The following ASAP2 variants were observed in gnomAD, a reference collection of about 807,000 sequenced individuals.
The protein encoded by ASAP2 is ArfGAP with SH3 domain, ankyrin repeat and PH domain 2.
A neutral mutation model predicts 131.4 loss-of-function variants in ASAP2; 45 were observed. The ratio of observed to expected loss-of-function variants is 0.34; its 90% confidence interval spans 0.27 to 0.44. The LOEUF is 0.44. ASAP2 is among the 20% of genes least tolerant of loss of function. ASAP2 has a pLI of 1.00. For missense variants in ASAP2, 1,011 were observed against 1,297.0 expected, an observed-to-expected ratio of 0.78 and a Z score of 3.39; for synonymous variants, 510 against 503.0, an observed-to-expected ratio of 1.01 and a Z score of -0.19.
At chr2:9,297,169 TG>T in intron 2 of ASAP2, 130 bp from the exon 3 acceptor site, 1 of 1,139,742 alleles carries the variant, frequency 8.8e-7, no homozygotes, top group Non-Finnish European at 1.2e-6. Flanking sequence ...TTTCTGTTCC[TG>T]GTGCAGCTTG....
intron 1 of ASAP2, among the ~76,000 whole-genome samples, chr2:9,239,011 G>C (rs1342056331): frequency 6.6e-6 from 1 of 152,158 alleles, no homozygotes; most frequent in East Asian, 1.9e-4. Flanking sequence ...GTGGCCTCCT[G>C]CCCATCCCTC....
At chr2:9,388,885 T>C (rs1183676159) in intron 22 of ASAP2, among the ~76,000 whole-genome samples, 2 of 152,234 alleles carry the variant, frequency 1.3e-5, no homozygotes, top group East Asian at 3.8e-4. Flanking sequence ...TCTGTTTACC[T>C]TTCTCCACTC....
chr2:9,376,797 G>A lies in ASAP2; in HGVS notation c.1747-111G>A, dbSNP rs940355044. 4.5e-5 allele frequency: 44 copies of A among 983,578 alleles called. No individual in the cohort carries two copies. In the Middle Eastern group the frequency reaches 8.5e-4, roughly 19 times the overall value. 60.9% of individuals were successfully genotyped at this position (983,578 alleles called of 1,614,324 possible). ...ACTCTATGTAAGAGATAAGTTTCTC[G>A]AAGGGAAAGATAAAAGACTTTTGGA... On this transcript the variant is annotated intron_variant, in intron 17 of 27. Transcript: ENST00000281419.
chr2:9,235,848 C>T (rs1663513979), intron 1 of ASAP2, among the ~76,000 whole-genome samples: 4 of 152,164 alleles, frequency 2.6e-5, no homozygotes. Context: ...CAATGCCTTC[C>T]CATGAATGGC....
chr2:9,349,716 C>G (rs945769095), intron 11 of ASAP2, among the ~76,000 whole-genome samples: 1 of 152,222 alleles, frequency 6.6e-6, no homozygotes, highest in African/African-American at 2.4e-5. Flanking sequence ...TCCAAACTTA[C>G]ATTTATTAAC....
chr2:9,397,754 T>TC (rs1676280129), intron 24 of ASAP2, among the ~76,000 whole-genome samples: 3 of 95,608 alleles, frequency 3.1e-5, no homozygotes, highest in Non-Finnish European at 5.5e-5. Context: ...ATATATATTT[T>TC]TTTTTTTTTT....
chr2:9,246,536 C>A (rs1664351706), intron 1 of ASAP2, among the ~76,000 whole-genome samples: 1 of 152,152 alleles, frequency 6.6e-6, no homozygotes, highest in South Asian at 2.1e-4. Context: ...AAACAATCAG[C>A]CTTGGCCTCC....
intron 2 of ASAP2, among the ~76,000 whole-genome samples, chr2:9,294,932 T>A (rs1668060937): frequency 6.6e-6 from 1 of 152,204 alleles, no homozygotes; most frequent in Admixed American, 6.5e-5. Flanking sequence ...GTAGACAGTG[T>A]GTAGTGACAG....
At chr2:9,342,167 GAAGT>G (rs1280121929) in intron 9 of ASAP2, among the ~76,000 whole-genome samples, 3 of 152,202 alleles carry the variant, frequency 2.0e-5, no homozygotes, top group Admixed American at 1.3e-4. Context: ...AGCTGATCCT[GAAGT>G]TCATGTGGAA....
chr2:9,318,703 C>G, intron 4 of ASAP2, 105 bp downstream of exon 4: 1 of 670,850 alleles, frequency 1.5e-6, no homozygotes, highest in South Asian at 2.1e-5. Context: ...CTCATTGGGA[C>G]GATAGGATGG....
At chr2:9,278,666 C>CA (rs1247420974) in intron 1 of ASAP2, among the ~76,000 whole-genome samples, 2 of 152,148 alleles carry the variant, frequency 1.3e-5, no homozygotes, top group African/African-American at 4.8e-5. Context: ...GTGCCATAGA[C>CA]AACTGCCGTG....
intron 1 of ASAP2, among the ~76,000 whole-genome samples, chr2:9,243,099 T>G (rs564712507): frequency 6.6e-6 from 1 of 152,214 alleles, no homozygotes; most frequent in African/African-American, 2.4e-5. Flanking sequence ...CCTTGAAGAT[T>G]TTTTGTTTTG....
At chr2:9,317,302 G>A (rs991550268) in intron 3 of ASAP2, among the ~76,000 whole-genome samples, 8 of 131,454 alleles carry the variant, frequency 6.1e-5, no homozygotes, top group African/African-American at 2.3e-4. Flanking sequence ...CACAATCACA[G>A]CCCCCCACAT....
At chr2:9,373,240 C>T (rs1024471894) in intron 16 of ASAP2, among the ~76,000 whole-genome samples, 1 of 151,462 alleles carries the variant, frequency 6.6e-6, no homozygotes, top group African/African-American at 2.5e-5. Flanking sequence ...CACAAGTTCA[C>T]CAGGTGCCCC....
At chr2:9,322,841 A>G (rs1670238337) in intron 5 of ASAP2, among the ~76,000 whole-genome samples, 2 of 152,176 alleles carry the variant, frequency 1.3e-5, no homozygotes, top group Non-Finnish European at 2.9e-5. Flanking sequence ...TGCTGATGCC[A>G]AAGGAGCCCT....
At chr2:9,376,869 C>A in intron 17 of ASAP2, 39 bp from the exon 18 acceptor site, 1 of 1,559,344 alleles carries the variant, frequency 6.4e-7, no homozygotes, top group Non-Finnish European at 8.8e-7. Context: ...ATTGAATGCT[C>A]CCATTAGAAT....
chr2:9,341,417 G>A (rs1671566998), intron 9 of ASAP2, among the ~76,000 whole-genome samples: 1 of 152,072 alleles, frequency 6.6e-6, no homozygotes, highest in Admixed American at 6.6e-5. Context: ...TGCTTCAATT[G>A]GCCTAAAGAA....
intron 7 of ASAP2, among the ~76,000 whole-genome samples, chr2:9,334,034 T>C (rs1394341147): frequency 7.2e-6 from 1 of 139,780 alleles, no homozygotes; most frequent in African/African-American, 2.9e-5. Context: ...GTCTCTGTCT[T>C]TCTCCTTTTT....
At chr2:9,296,360 G>A (rs1032224221) in intron 2 of ASAP2, among the ~76,000 whole-genome samples, 1 of 152,178 alleles carries the variant, frequency 6.6e-6, no homozygotes, top group Admixed American at 6.5e-5. Flanking sequence ...TAAATCAGAG[G>A]TCTGAGATGG....
Sources: allele counts gnomAD v4.1 joint callset (sites outside exome capture counted in the v4.1 genomes callset), GRCh38; gene constraint gnomAD v4.1.1; transcripts MANE v1.5; gene names NCBI Gene and HGNC (gene_info 2026-07-23, HGNC 2026-07-21).